The following PRICKLE1 variants were observed in gnomAD, a reference collection of about 807,000 sequenced individuals.
PRICKLE1 encodes the protein prickle planar cell polarity protein 1, also known as prickle-like protein 1.
Under a neutral mutation model 70.2 loss-of-function variants are expected in PRICKLE1, and 14 were observed. That is an observed-to-expected ratio of 0.20 (90% CI 0.13 to 0.31). The LOEUF is 0.31. PRICKLE1 is among the 10% of genes least tolerant of loss of function. The pLI, the probability that PRICKLE1 is intolerant of heterozygous loss-of-function variation, is 1.00. For missense variants in PRICKLE1, 821 were observed against 1,026.2 expected (o/e 0.80, Z 2.73); for synonymous variants, 357 against 379.9 (o/e 0.94, Z 0.70).
intron 1 of PRICKLE1, among the ~76,000 whole-genome samples, chr12:42,524,404 C>T (rs1371212552): frequency 1.3e-5 from 2 of 151,952 alleles, no homozygotes; most frequent in East Asian, 3.9e-4. Flanking sequence ...TGGTAATAAT[C>T]ACTGTATTTT....
chr12:42,530,886 G>A (rs1939901687), intron 1 of PRICKLE1, among the ~76,000 whole-genome samples: 1 of 150,652 alleles, frequency 6.6e-6, no homozygotes, highest in South Asian at 2.1e-4. Flanking sequence ...GGCCAGGCTG[G>A]TCTCGAACTT....
chr12:42,589,691 T>A lies in PRICKLE1; in HGVS notation c.-275A>T, dbSNP rs1254220348. The A allele has an allele frequency of 1.3e-5, 2 of 151,354 alleles. No homozygotes were observed. Among genetic ancestry groups the A allele is most frequent in the Non-Finnish European group, 3.0e-5 (2 of 67,768 alleles). 9.4% of individuals were successfully genotyped at this position (151,354 alleles called of 1,614,324 possible). A position where few individuals can be genotyped will look rare whatever the true frequency, so the allele number is the denominator to read the frequency against. On this transcript the variant is annotated 5_prime_UTR_variant, in exon 1 of 8. Coordinates refer to ENST00000345127, the MANE Select transcript of PRICKLE1 (RefSeq NM_153026.3). This position sits in a 1 kb window ranked among gnomAD's most constrained non-coding sequence, Gnocchi z 5.0. ...AGGCTGGCATGTTCCGGGCGCGCTG[T>A]CGGGCGGCGGCGGCCGCGGGAGACG... is the stretch of plus-strand genomic sequence containing the variant.
At chr12:42,534,791 C>T (rs143284783) in intron 1 of PRICKLE1, among the ~76,000 whole-genome samples, 3 of 151,996 alleles carry the variant, frequency 2.0e-5, no homozygotes, top group African/African-American at 7.3e-5. Flanking sequence ...CTAAAAAAAA[C>T]CCCAAAGAAA....
intron 1 of PRICKLE1, among the ~76,000 whole-genome samples, chr12:42,521,415 A>C (rs917928024): frequency 6.6e-6 from 1 of 152,164 alleles, no homozygotes; most frequent in African/African-American, 2.4e-5. Context: ...AAAGCAGTTA[A>C]TAGACCTACT....
At chr12:42,463,262 G>A (rs1937933123) in intron 7 of PRICKLE1, among the ~76,000 whole-genome samples, 1 of 152,062 alleles carries the variant, frequency 6.6e-6, no homozygotes, top group Non-Finnish European at 1.5e-5. Context: ...TCGCGTCATT[G>A]CACCCCAACC....
chr12:42,577,777 A>G (rs1250598943), intron 1 of PRICKLE1, among the ~76,000 whole-genome samples: 1 of 152,248 alleles, frequency 6.6e-6, no homozygotes. Flanking sequence ...CATTTAATAT[A>G]GAACACACAT....
At chr12:42,586,111 A>G (rs1324091832) in intron 1 of PRICKLE1, among the ~76,000 whole-genome samples, 1 of 152,236 alleles carries the variant, frequency 6.6e-6, no homozygotes, top group Non-Finnish European at 1.5e-5. Context: ...AAAAAGAAGT[A>G]ATGGTCCCTT....
chr12:42,545,337 G>GT (rs1592017083), intron 1 of PRICKLE1, among the ~76,000 whole-genome samples: 1 of 152,062 alleles, frequency 6.6e-6, no homozygotes, highest in East Asian at 1.9e-4. Flanking sequence ...CTAGCACATA[G>GT]TTAGTAGGCA....
intron 1 of PRICKLE1, among the ~76,000 whole-genome samples, chr12:42,577,320 A>T (rs1940819660): frequency 6.6e-6 from 1 of 151,974 alleles, no homozygotes; most frequent in South Asian, 2.1e-4. Flanking sequence ...TAGCTGTCAC[A>T]TTGAACTCTA....
At chr12:42,568,499 C>A (rs1940657906) in intron 1 of PRICKLE1, among the ~76,000 whole-genome samples, 2 of 152,202 alleles carry the variant, frequency 1.3e-5, no homozygotes, top group African/African-American at 4.8e-5. Context: ...TAACAAAAAT[C>A]TCATGGTGTA....
chr12:42,500,281 C>T (rs1275467873), intron 1 of PRICKLE1, among the ~76,000 whole-genome samples: 1 of 152,184 alleles, frequency 6.6e-6, no homozygotes, highest in African/African-American at 2.4e-5. Flanking sequence ...ATTGTACCAT[C>T]TTAATTTCTA....
At chr12:42,482,926 T>C (rs1938852195) in intron 1 of PRICKLE1, 1 of 151,942 alleles carries the variant, frequency 6.6e-6, no homozygotes, top group Admixed American at 6.5e-5. Context: ...CCCCGCAAAC[T>C]CTGCGCTCCA....
At chr12:42,583,471 C>G (rs1167049396) in intron 1 of PRICKLE1, among the ~76,000 whole-genome samples, 2 of 152,186 alleles carry the variant, frequency 1.3e-5, no homozygotes, top group Non-Finnish European at 2.9e-5. Flanking sequence ...GTGGGCTATT[C>G]TTCGCAGTAC....
chr12:42,573,606 G>A (rs1371929157), intron 1 of PRICKLE1, among the ~76,000 whole-genome samples: 2 of 152,112 alleles, frequency 1.3e-5, no homozygotes, highest in African/African-American at 4.8e-5. Context: ...GTCTCACTCT[G>A]TTGCCCAGGC....
chr12:42,553,699 G>T (rs1339829779), intron 1 of PRICKLE1, among the ~76,000 whole-genome samples: 3 of 152,110 alleles, frequency 2.0e-5, no homozygotes, highest in African/African-American at 7.2e-5. Flanking sequence ...AGCAAGTTAA[G>T]ACAATGGCTT....
intron 1 of PRICKLE1, among the ~76,000 whole-genome samples, chr12:42,486,033 C>T (rs752328446): frequency 1.8e-4 from 28 of 152,182 alleles, no homozygotes; most frequent in Non-Finnish European, 3.2e-4. Flanking sequence ...GGCCCCCAAC[C>T]AGCATCCTTT....
At chr12:42,496,245 A>T (rs1418742812) in intron 1 of PRICKLE1, among the ~76,000 whole-genome samples, 1 of 152,250 alleles carries the variant, frequency 6.6e-6, no homozygotes, top group Non-Finnish European at 1.5e-5. Flanking sequence ...GTCAATGAGC[A>T]GTAATATTTT....
intron 7 of PRICKLE1, 127 bp from the exon 8 acceptor site, chr12:42,460,792 T>C (rs529965135): frequency 1.8e-6 from 2 of 1,112,148 alleles, no homozygotes; most frequent in Admixed American, 1.9e-5. Flanking sequence ...TTAAAACCCA[T>C]AGGGAAAGCC....
At chr12:42,479,479 T>A (rs1404355068) in intron 1 of PRICKLE1, among the ~76,000 whole-genome samples, 1 of 152,214 alleles carries the variant, frequency 6.6e-6, no homozygotes, top group Non-Finnish European at 1.5e-5. Context: ...TTCCCCAAAT[T>A]CAAGTATGGC....
Sources: gnomAD v4.1 joint callset for allele counts (sites outside exome capture counted in the v4.1 genomes callset) on GRCh38, gnomAD v4.1.1 for gene constraint, Gnocchi (gnomAD v3.1) non-coding constraint, MANE v1.5 for transcripts, NCBI Gene and HGNC (gene_info 2026-07-23, HGNC 2026-07-21) for gene names.